Variants in WNK1 observed in about 807,000 individuals in gnomAD.
The protein encoded by WNK1 is serine/threonine-protein kinase WNK1.
WNK1 carries 38 observed loss-of-function variants against 222.8 expected under a neutral mutation model. That is an observed-to-expected ratio of 0.17 (90% confidence interval 0.13 to 0.22). The LOEUF is 0.22. Among genes scored for constraint, WNK1 ranks in the 10% least tolerant of loss-of-function variants. The pLI, the probability that WNK1 is intolerant of heterozygous loss-of-function variation, is 1.00. For missense variants in WNK1, 2,348 were observed against 2,918.4 expected, an observed-to-expected ratio of 0.80 and a Z score of 4.50; for synonymous variants, 1,090 against 1,092.9, an observed-to-expected ratio of 1.00 and a Z score of 0.05.
intron 4 of WNK1, among the ~76,000 whole-genome samples, chr12:839,240 C>T (rs2154038841): frequency 6.6e-6 from 1 of 152,186 alleles, no homozygotes; most frequent in South Asian, 2.1e-4. Flanking sequence ...AAGGACAAGG[C>T]AAGGGATAAG....
chr12:820,742 C>G (rs1947795924), intron 2 of WNK1, among the ~76,000 whole-genome samples: 1 of 152,122 alleles, frequency 6.6e-6, no homozygotes. Context: ...TCCCAAAGTG[C>G]TGAGATTACA....
At chr12:759,176 G>A (rs996915773) in intron 1 of WNK1, among the ~76,000 whole-genome samples, 2 of 146,966 alleles carry the variant, frequency 1.4e-5, no homozygotes, top group Non-Finnish European at 3.0e-5. Context: ...TGTAAAAGCA[G>A]CAAGAGTAGC....
intron 4 of WNK1, among the ~76,000 whole-genome samples, chr12:856,782 G>A (rs1950829362): frequency 6.6e-6 from 1 of 152,198 alleles, no homozygotes; most frequent in Non-Finnish European, 1.5e-5. Context: ...GTTCAAAATA[G>A]TTAAATGCTG....
rs572541741 is a variant in WNK1, at chr12:824,824, C to G, written c.933-2218C>G. Among the ~76,000 whole-genome samples, 43 of 152,180 alleles carry G rather than the reference C, an allele frequency of 2.8e-4. 1 individual carries two copies. In the South Asian group the frequency reaches 7.9e-3, roughly 28 times the overall value. On this transcript the variant is annotated intron_variant, in intron 2 of 27. Coordinates refer to ENST00000315939, the MANE Select transcript of WNK1 (RefSeq NM_018979.4). ...ATATAGAAAAGGCAAAAGAAACATA[C>G]AGTGAGCACACACTCAGCACCAAGA...
At position 764,879 on chromosome 12, in the gene WNK1, C is replaced by T. The variant is rs914414492; in HGVS notation, c.759+10555C>T. On this transcript the variant is annotated intron_variant, in intron 1 of 27. Coordinates refer to ENST00000315939, the MANE Select transcript of WNK1 (RefSeq NM_018979.4). ...TCACGTGGCTATTTCGCTCTTGCCA[C>T]CCAGGCTGGAGTGCAGTGGCGTGAT... Among the ~76,000 whole-genome samples, 49 of 147,608 alleles carry T rather than the reference C, an allele frequency of 3.3e-4. 7 individuals carry two copies. Among genetic ancestry groups the T allele is most frequent in the Non-Finnish European group, 2.1e-4 (14 of 66,074 alleles).
At chr12:846,181 G>T (rs1950011634) in intron 4 of WNK1, among the ~76,000 whole-genome samples, 1 of 152,114 alleles carries the variant, frequency 6.6e-6, no homozygotes, top group African/African-American at 2.4e-5. Flanking sequence ...CAAAAGTCTG[G>T]TACTGCAGTT....
At chr12:906,585 C>T (rs1050680211) in intron 26 of WNK1, 2 of 985,288 alleles carry the variant, frequency 2.0e-6, no homozygotes, top group African/African-American at 1.7e-5. Flanking sequence ...TCAGGCACAC[C>T]ATACAGTCCT....
chr12:889,860 A>G (rs897336676), intron 21 of WNK1, among the ~76,000 whole-genome samples: 4 of 152,188 alleles, frequency 2.6e-5, no homozygotes, highest in African/African-American at 9.6e-5. Flanking sequence ...TTTTTCTGTG[A>G]ATATCCAAGT....
At chr12:904,419 T>A (rs1425461727) in intron 26 of WNK1, 3 of 1,287,572 alleles carry the variant, frequency 2.3e-6, no homozygotes, top group Non-Finnish European at 3.0e-6. Context: ...TGTTTCTTTA[T>A]CTTTAACACA....
In WNK1 at chr12:896,052, C is replaced by G. The variant is rs148788817; in HGVS notation, c.5584-19C>G. Reference sequence around the variant, plus strand: ...GATATTGAGAACTTAAGTTTTTAATCTTTGTCCTTTTTTATCAGGTTTCTG... The same window carrying G: ...GATATTGAGAACTTAAGTTTTTAATGTTTGTCCTTTTTTATCAGGTTTCTG... On this transcript the variant is annotated intron_variant, in intron 23 of 27. Coordinates refer to ENST00000315939, the MANE Select transcript of WNK1 (RefSeq NM_018979.4). The G allele has an allele frequency of 3.7e-6, 6 of 1,614,028 alleles. No individual in the cohort carries two copies. The highest frequency in any genetic ancestry group is 5.1e-6 in the Non-Finnish European group (6 of 1,179,980).
intron 22 of WNK1, among the ~76,000 whole-genome samples, chr12:891,768 T>C (rs1333536077): frequency 2.0e-5 from 3 of 151,946 alleles, no homozygotes; most frequent in Admixed American, 1.3e-4. Flanking sequence ...CCTTTTTCAC[T>C]ATAGACAAAA....
chr12:870,862 C>T (rs1565554326), intron 8 of WNK1, among the ~76,000 whole-genome samples: 1 of 152,136 alleles, frequency 6.6e-6, no homozygotes. Flanking sequence ...GAAGTATTAC[C>T]AAATTAGCAT....
chr12:785,352 T>A (rs553823428), intron 1 of WNK1, among the ~76,000 whole-genome samples: 1 of 152,052 alleles, frequency 6.6e-6, no homozygotes, highest in Non-Finnish European at 1.5e-5. Context: ...CTGTTACATA[T>A]ATGTTGGTTC....
intron 1 of WNK1, among the ~76,000 whole-genome samples, chr12:775,113 G>A (rs187619325): frequency 6.6e-6 from 1 of 151,974 alleles, no homozygotes; most frequent in Admixed American, 6.6e-5. Context: ...TATCTTCATG[G>A]ATATATTTAT....
At chr12:769,076 G>A (rs537176524) in intron 1 of WNK1, among the ~76,000 whole-genome samples, 2 of 152,218 alleles carry the variant, frequency 1.3e-5, no homozygotes, top group East Asian at 3.9e-4. Flanking sequence ...CCAAACTGCT[G>A]GGATTGTAGG....
rs1592040843 is a variant in WNK1, at chr12:857,343, T to A, written c.1400+94T>A. The A allele has an allele frequency of 9.6e-6, 11 of 1,142,648 alleles. No homozygotes were observed. The East Asian group carries it at 2.7e-4, about 28-fold the overall frequency. 70.8% of individuals were successfully genotyped at this position (1,142,648 alleles called of 1,614,324 possible). ...CACACATTCTACGGTGTATTTAATA[T>A]TTGTGATTGGTTTCTCTATTTGTGC... On this transcript the variant is annotated intron_variant, in intron 5 of 27. Coordinates refer to ENST00000315939, the MANE Select transcript of WNK1 (RefSeq NM_018979.4).
chr12:877,913 A>G (rs762534483), intron 9 of WNK1: 16 of 406,442 alleles, frequency 3.9e-5, no homozygotes, highest in African/African-American at 1.0e-4. Flanking sequence ...CTGTCTGGAT[A>G]TGTTATGTAA....
Position 759,594 on chromosome 12 carries a change from C to G in WNK1, c.759+5270C>G, listed in dbSNP as rs1475740171. On this transcript the variant is annotated intron_variant, in intron 1 of 27. Coordinates refer to ENST00000315939, the MANE Select transcript of WNK1 (RefSeq NM_018979.4). The stretch of plus-strand genomic sequence containing the variant: ...TCTGCCCGCCTTGGCCTCCCAAAGT[C>G]CTGGGATTACAGGCTTGAGCCACCA... Among the ~76,000 whole-genome samples, 18 of 147,742 alleles carry G rather than the reference C, an allele frequency of 1.2e-4. 2 individuals are homozygous for G. The highest frequency in any genetic ancestry group is 2.7e-4 in the Admixed American group (4 of 14,934).
At chr12:907,241 A>G (rs1955786242) in intron 26 of WNK1, among the ~76,000 whole-genome samples, 1 of 151,596 alleles carries the variant, frequency 6.6e-6, no homozygotes, top group Non-Finnish European at 1.5e-5. Flanking sequence ...GAATCGCTTG[A>G]ACCCAGGAGG....
Sources: allele counts gnomAD v4.1 joint callset (sites outside exome capture counted in the v4.1 genomes callset), GRCh38; gene constraint gnomAD v4.1.1; transcripts MANE v1.5; gene names NCBI Gene and HGNC (gene_info 2026-07-23, HGNC 2026-07-21).